Variants in FAM221A observed in about 807,000 individuals in gnomAD.
FAM221A encodes the protein family with sequence similarity 221 member A.
Under a neutral mutation model 37.6 loss-of-function variants are expected in FAM221A, and 43 were observed. The ratio of observed to expected loss-of-function variants is 1.15; its 90% CI spans 0.90 to 1.48. The LOEUF (loss-of-function observed/expected upper bound fraction) is 1.48, where lower values mean the gene tolerates loss of function less well. Ranked by LOEUF, FAM221A falls within the 40% of genes most tolerant of loss-of-function variation. The probability of loss-of-function intolerance (pLI) is 0.00; values close to 1 mark genes in which losing one functional copy is unlikely to be tolerated. For synonymous variants in FAM221A, 135 were observed against 132.9 expected (o/e 1.02, Z -0.11); for missense variants, 361 against 361.5 (o/e 1.00, Z 0.01).
In FAM221A at chr7:23,684,638, G is replaced by T. The variant is rs1784260061; in HGVS notation, c.205G>T (p.Val69Leu). 2.5e-6 allele frequency: 4 copies of T among 1,613,886 alleles called. No individual in the cohort carries two copies. The highest frequency in any genetic ancestry group is 3.4e-6 in the Non-Finnish European group (4 of 1,179,970). ...RSPTGMDCKL[V>L]GPETLCFCTH... The stretch of plus-strand genomic sequence containing the variant: ...ACCAACAGGGATGGATTGTAAACTT[G>T]TGGGCCCAGAGACACTGTGTTTTTG... Residue 69 changes from valine (V) to leucine (L), a missense_variant, in exon 2 of 7, where the codon GTG (valine) becomes TTG (leucine). Val to Leu is a conservative substitution (Grantham distance 32). Transcript: ENST00000344962.
intron 2 of FAM221A, 115 bp from the exon 3 acceptor site, chr7:23,689,154 G>A (rs746133396): frequency 1.4e-5 from 9 of 645,704 alleles, no homozygotes; most frequent in Non-Finnish European, 2.2e-5. Flanking sequence ...TTACTATGAA[G>A]AATAATAAAG....
intron 1 of FAM221A, 136 bp from the exon 2 acceptor site, chr7:23,684,363 C>G: frequency 1.4e-6 from 1 of 701,942 alleles, no homozygotes. Flanking sequence ...GAGACCCGGC[C>G]TGCCACATCT....
chr7:23,690,199 A>ATTTTTTTTT (rs398004023), intron 3 of FAM221A, among the ~76,000 whole-genome samples: 11 of 48,738 alleles, frequency 2.3e-4, no homozygotes, highest in African/African-American at 3.4e-4. Flanking sequence ...ATATATATAT[A>ATTTTTTTTT]TTTTTTTTTT....
chr7:23,703,233 C>G (rs150967089), downstream of FAM221A: 1 of 152,224 alleles, frequency 6.6e-6, no homozygotes, highest in Non-Finnish European at 1.5e-5. Context: ...CCCAAATAAA[C>G]TACTTGTATA....
In FAM221A at chr7:23,691,515, A is replaced by T. The variant is rs1404365187; in HGVS notation, c.556A>T (p.Ile186Phe). The change falls in exon 4 of 7, where the codon ATT (isoleucine) becomes TTT (phenylalanine). Residue 186 changes from isoleucine to phenylalanine, a missense_variant. Ile to Phe is a conservative substitution (Grantham distance 21, BLOSUM62 0). Coordinates refer to ENST00000344962, the MANE Select transcript of FAM221A (RefSeq NM_199136.5). ...TCAGGAAAAACCAGTGGGACAGGAC[A>T]TTCCTTATGCAGCCATGGGAGGATT... ...LAQEKPVGQD[I>F]PYAAMGGLTG... The T allele has an allele frequency of 1.9e-6, 3 of 1,614,206 alleles. No individual in the cohort carries two copies. In the South Asian group the frequency reaches 3.3e-5, roughly 18 times the overall value.
chr7:23,688,497 T>C (rs1267806385), intron 2 of FAM221A: 1 of 152,220 alleles, frequency 6.6e-6, no homozygotes, highest in Non-Finnish European at 1.5e-5. Flanking sequence ...TGATAATTTA[T>C]TTTGAAGTCA....
chr7:23,682,355 C>T (rs1285602029), intron 1 of FAM221A, among the ~76,000 whole-genome samples: 1 of 147,856 alleles, frequency 6.8e-6, no homozygotes, highest in African/African-American at 2.5e-5. Context: ...TGTGAGCCAC[C>T]ACATCTGGCT....
intron 4 of FAM221A, chr7:23,693,716 T>G (rs1388506873): frequency 2.0e-5 from 3 of 152,196 alleles, no homozygotes; most frequent in Non-Finnish European, 4.4e-5. Context: ...ATCTGTAATT[T>G]ATTTTTTGTG....
intron 3 of FAM221A, 149 bp downstream of exon 3, chr7:23,689,608 C>T (rs1784589953): frequency 1.8e-6 from 1 of 550,292 alleles, no homozygotes; most frequent in Non-Finnish European, 2.9e-6. Flanking sequence ...TATTAAACAA[C>T]TAAGTAGAAT....
At position 23,698,309 on chromosome 7, in the gene FAM221A, T is replaced by G. The variant is rs777332441; in HGVS notation, c.745+10T>G. ...GAAACGTTAACAGATGGTAATGAAA[T>G]GAAGTTTAGAACTGTTTTTGGATGT... On this transcript the variant is annotated intron_variant, in intron 5 of 6. Transcript: ENST00000344962. The G allele has an allele frequency of 1.4e-6, 2 of 1,446,274 alleles. No individual in the cohort carries two copies. Among genetic ancestry groups the G allele is most frequent in the Non-Finnish European group, 1.9e-6 (2 of 1,042,632 alleles). The allele number at this position is 1,446,274 out of a possible 1,614,324, so 89.6% of individuals were successfully genotyped here.
Position 23,686,374 on chromosome 7 carries a change from C to T in FAM221A, c.239+1702C>T, listed in dbSNP as rs531764398. ...GACCTCCTGGGCTCAAGCGATCCTT[C>T]GACCTCAGCCTCCCAAGTAGCTGGG... On this transcript the variant is annotated intron_variant, in intron 2 of 6. Coordinates refer to ENST00000344962, the MANE Select transcript of FAM221A (RefSeq NM_199136.5). 1.4e-4 allele frequency: 48 copies of T among 349,720 alleles called. 1 individual carries two copies. The highest frequency in any genetic ancestry group is 2.4e-4 in the Non-Finnish European group (42 of 177,492). 21.7% of individuals were successfully genotyped at this position (349,720 alleles called of 1,614,324 possible). A position where few individuals can be genotyped will look rare whatever the true frequency, so the allele number is the denominator to read the frequency against.
chr7:23,691,618 G>GT (rs779025010), intron 4 of FAM221A, 22 bp downstream of exon 4: 1 of 1,598,676 alleles, frequency 6.3e-7, no homozygotes, highest in Non-Finnish European at 8.6e-7. Context: ...TATATGAAAT[G>GT]TGAGCCCATT....
intron 4 of FAM221A, chr7:23,692,273 CT>C: frequency 4.2e-6 from 3 of 710,534 alleles, no homozygotes; most frequent in Non-Finnish European, 5.2e-6. Flanking sequence ...TTTTTTTTTT[CT>C]TTTTTACAAC....
intron 1 of FAM221A, among the ~76,000 whole-genome samples, chr7:23,683,732 A>G (rs1784197534): frequency 6.6e-6 from 1 of 152,134 alleles, no homozygotes; most frequent in Non-Finnish European, 1.5e-5. Flanking sequence ...CACTAGGTTC[A>G]TGGCTGAGAC....
rs530634778 is a variant in FAM221A, at chr7:23,687,151, T to C, written c.240-2118T>C. 3.3e-5 allele frequency: 5 copies of C among 152,334 alleles called. No homozygotes were observed. The South Asian group carries it at 1.0e-3, about 32-fold the overall frequency. 9.4% of individuals were successfully genotyped at this position (152,334 alleles called of 1,614,324 possible). A position where few individuals can be genotyped will look rare whatever the true frequency, so the allele number is the denominator to read the frequency against. On this transcript the variant is annotated intron_variant, in intron 2 of 6. Coordinates refer to ENST00000344962, the MANE Select transcript of FAM221A (RefSeq NM_199136.5). ...TTTTAATGACAGAATCATAGAAATA[T>C]GTTTCCACATTGTTATGTGCTGATC...
rs141543591 is a variant in FAM221A, at chr7:23,698,967, A to T, written c.745+668A>T. Among the ~76,000 whole-genome samples, 573 of 152,304 alleles carry T rather than the reference A, an allele frequency of 3.8e-3. 3 individuals are homozygous for T. The highest frequency in any genetic ancestry group is 0.013 in the African/African-American group (546 of 41,562). On this transcript the variant is annotated intron_variant, in intron 5 of 6. Transcript: ENST00000344962. ...ACAGCTGTGGCAGCTTTCAAGGTTG[A>T]TGTAATTGCTTTGTTTAAACTTCAG...
At chr7:23,692,863 C>T in intron 4 of FAM221A, 6 of 539,672 alleles carry the variant, frequency 1.1e-5, no homozygotes, top group Non-Finnish European at 1.4e-5. Context: ...GAGATAGGGT[C>T]TTGCTATGGT....
downstream of FAM221A, chr7:23,702,730 A>C (rs891581200): frequency 6.6e-6 from 1 of 152,214 alleles, no homozygotes; most frequent in African/African-American, 2.4e-5. Context: ...TTGTGTTGTC[A>C]ACCACCCATT....
intron 2 of FAM221A, among the ~76,000 whole-genome samples, chr7:23,685,861 T>C (rs990541121): frequency 2.0e-5 from 3 of 152,230 alleles, no homozygotes; most frequent in Non-Finnish European, 2.9e-5. Context: ...CCTAAGCTGC[T>C]TCACAGAAAA....
Sources: allele counts gnomAD v4.1 joint callset (sites outside exome capture counted in the v4.1 genomes callset), GRCh38; gene constraint gnomAD v4.1.1; transcripts MANE v1.5; gene names NCBI Gene and HGNC (gene_info 2026-07-23, HGNC 2026-07-21).